Variants in HIVEP3 observed in about 807,000 individuals in gnomAD.
The protein encoded by HIVEP3 is HIVEP zinc finger 3.
Under a neutral mutation model 152.8 loss-of-function variants are expected in HIVEP3, and 49 were observed. That is an observed-to-expected ratio of 0.32 (90% CI 0.26 to 0.41). The LOEUF (loss-of-function observed/expected upper bound fraction) is 0.41. Among genes scored for constraint, HIVEP3 ranks in the 10% least tolerant of loss-of-function variants. HIVEP3 has a pLI of 1.00. For synonymous variants in HIVEP3, 1,269 were observed against 1,289.0 expected (o/e 0.98, Z 0.33); for missense variants, 2,790 against 3,103.3 (o/e 0.90, Z 2.40).
At chr1:41,642,091 C>T (rs1230095800) in intron 2 of HIVEP3, among the ~76,000 whole-genome samples, 1 of 152,206 alleles carries the variant, frequency 6.6e-6, no homozygotes, top group Admixed American at 6.5e-5. Context: ...GGATTTCCTG[C>T]CCCCACCCTG....
At chr1:41,727,289 G>A (rs1285319056) in intron 1 of HIVEP3, among the ~76,000 whole-genome samples, 1 of 152,290 alleles carries the variant, frequency 6.6e-6, no homozygotes, top group East Asian at 1.9e-4. Context: ...GGGGCTGCTT[G>A]GGATCCTAGG....
At chr1:41,742,861 G>A (rs1647016666) in intron 1 of HIVEP3, among the ~76,000 whole-genome samples, 1 of 152,204 alleles carries the variant, frequency 6.6e-6, no homozygotes, top group African/African-American at 2.4e-5. Flanking sequence ...GGGGAGTGAG[G>A]AGTGCAGTCT....
At chr1:41,637,300 C>A (rs527523886) in intron 2 of HIVEP3, among the ~76,000 whole-genome samples, 84 of 152,288 alleles carry the variant, frequency 5.5e-4, no homozygotes, top group African/African-American at 2.0e-3. Flanking sequence ...TAAATACACA[C>A]AATGGAATAG....
intron 5 of HIVEP3, among the ~76,000 whole-genome samples, chr1:41,532,760 C>T (rs1445974030): frequency 1.3e-5 from 2 of 152,110 alleles, no homozygotes; most frequent in African/African-American, 4.8e-5. Flanking sequence ...AGTCTTTAAG[C>T]ATTGAGTATG....
In HIVEP3 at chr1:41,613,348, G is replaced by A. The variant is rs142595700; in HGVS notation, c.-522+15401C>T. ...CTTTGGAACGCGTGGGGCGGGTCTC[G>A]TGACATTTTATATTGTATTCCCTCA... On this transcript the variant is annotated intron_variant, in intron 3 of 8. Transcript: ENST00000372583. Among the ~76,000 whole-genome samples the A allele has an allele frequency of 1.5e-3, 230 of 152,320 alleles. 2 individuals are homozygous for A. Among genetic ancestry groups the A allele is most frequent in the African/African-American group, 5.3e-3 (221 of 41,568 alleles).
rs1221519497 is a variant in HIVEP3 at position 41,888,934 on chromosome 1, T to TACACACACAAAGACCACACATGCCACAC, written c.-801+29451_-801+29478dup. ...TATACCTCACACACCACATGCCACA[T>TACACACACAAAGACCACACATGCCACAC]ACACACACAAAGACCACACATGCCA... On this transcript the variant is annotated intron_variant, in intron 1 of 8. Coordinates refer to ENST00000372583, the MANE Select transcript of HIVEP3 (RefSeq NM_024503.5). Among the ~76,000 whole-genome samples the TACACACACAAAGACCACACATGCCACAC allele has an allele frequency of 2.4e-3, 265 of 110,870 alleles. 3 individuals carry two copies. The highest frequency in any genetic ancestry group is 7.1e-3 in the Middle Eastern group (1 of 140). 72.7% of individuals were successfully genotyped at this position (110,870 alleles called of 152,430 possible). A position where few individuals can be genotyped will look rare whatever the true frequency, so the allele number is the denominator to read the frequency against.
Position 41,582,986 on chromosome 1 carries a change from C to T in HIVEP3, c.1812G>A (p.Glu604=), listed in dbSNP as rs1389018092. ...TGTCTTTGCTGCTTGGGCCAGGCTC[C>T]TCAGAACTGTATTCCCCTCCCAAAG... The part of the protein sequence containing the change: ...ELPLGGEYSS[E]EPGPSSKDTA... Residue 604 remains glutamate, a synonymous_variant, in exon 4 of 9, where the codon GAG becomes GAA. Transcript: ENST00000372583. This position sits in a 1 kb window ranked among gnomAD's most constrained non-coding sequence, Gnocchi z 4.7. 3 of 1,613,960 alleles carry T rather than the reference C, an allele frequency of 1.9e-6. No individual in the cohort carries two copies. The highest frequency in any genetic ancestry group is 1.3e-5 in the African/African-American group (1 of 74,882).
chr1:41,880,345 T>C (rs1644242019), intron 1 of HIVEP3, among the ~76,000 whole-genome samples: 1 of 152,150 alleles, frequency 6.6e-6, no homozygotes, highest in African/African-American at 2.4e-5. Context: ...GCCTGGCCCA[T>C]CCTCTTAATA....
chr1:41,947,315 C>T (rs1054000443), intron 1 of HIVEP3, among the ~76,000 whole-genome samples: 1 of 152,216 alleles, frequency 6.6e-6, no homozygotes, highest in African/African-American at 2.4e-5. Flanking sequence ...CCTGTGGCTA[C>T]AAGGTTTCCA....
chr1:41,764,812 G>A (rs951925710), intron 1 of HIVEP3, among the ~76,000 whole-genome samples: 3 of 152,180 alleles, frequency 2.0e-5, no homozygotes, highest in Non-Finnish European at 4.4e-5. Flanking sequence ...CAATCCGTCA[G>A]CTGAGTGCTC....
chr1:41,917,868 C>G (rs1360575530), intron 1 of HIVEP3, among the ~76,000 whole-genome samples: 2 of 152,198 alleles, frequency 1.3e-5, no homozygotes, highest in Non-Finnish European at 2.9e-5. Flanking sequence ...GCTATCCCCT[C>G]TGTCTCAGCA....
intron 1 of HIVEP3, among the ~76,000 whole-genome samples, chr1:41,926,768 T>C (rs957722521): frequency 6.6e-6 from 1 of 152,208 alleles, no homozygotes; most frequent in African/African-American, 2.4e-5. Context: ...TTTTAAAGTA[T>C]GTTAGCTAAA....
chr1:41,628,490 G>C (rs1645148853), intron 3 of HIVEP3, among the ~76,000 whole-genome samples: 1 of 152,208 alleles, frequency 6.6e-6, no homozygotes, highest in Non-Finnish European at 1.5e-5. Flanking sequence ...TGGAAACTGA[G>C]GTACTGGGAG....
chr1:41,933,732 CTTCTT>C (rs892265960), intron 1 of HIVEP3, among the ~76,000 whole-genome samples: 7 of 150,598 alleles, frequency 4.6e-5, no homozygotes, highest in East Asian at 3.9e-4. Context: ...CTGTTTTTTT[CTTCTT>C]TTCTTTTATT....
intron 2 of HIVEP3, among the ~76,000 whole-genome samples, chr1:41,685,450 T>A (rs1176196553): frequency 6.6e-6 from 1 of 152,196 alleles, no homozygotes; most frequent in Non-Finnish European, 1.5e-5. Flanking sequence ...CACTGTAAGT[T>A]CCTCAAGGGA....
Position 41,530,657 on chromosome 1 carries a change from T to G in HIVEP3, c.5208-5747A>C, listed in dbSNP as rs2149061740. ...GCAATGGTGTCCTTCAGCCTAATGG[T>G]GTCCTTCAGCCTAGCCTTCACCCTG... On this transcript the variant is annotated intron_variant, in intron 5 of 8. Coordinates refer to ENST00000372583, the MANE Select transcript of HIVEP3 (RefSeq NM_024503.5). Among the ~76,000 whole-genome samples the G allele has an allele frequency of 2.0e-5, 3 of 152,280 alleles. No individual in the cohort carries two copies. In the South Asian group the frequency reaches 6.2e-4, roughly 32 times the overall value.
intron 1 of HIVEP3, among the ~76,000 whole-genome samples, chr1:41,975,925 T>C (rs1378057769): frequency 1.3e-5 from 2 of 152,200 alleles, no homozygotes; most frequent in Non-Finnish European, 2.9e-5. Context: ...AGGGCCCTAC[T>C]GTTGGCTCAC....
chr1:41,959,765 C>T (rs1203643419), intron 1 of HIVEP3, among the ~76,000 whole-genome samples: 1 of 152,194 alleles, frequency 6.6e-6, no homozygotes, highest in Non-Finnish European at 1.5e-5. Context: ...GCACTTCCTA[C>T]ATGTAGTACC....
intron 1 of HIVEP3, among the ~76,000 whole-genome samples, chr1:41,779,959 C>T (rs1648943186): frequency 6.6e-6 from 1 of 152,204 alleles, no homozygotes; most frequent in African/African-American, 2.4e-5. Flanking sequence ...ATTTCCCTCA[C>T]TTCCACAAGG....
Sources: gnomAD v4.1 joint callset for allele counts (sites outside exome capture counted in the v4.1 genomes callset) on GRCh38, gnomAD v4.1.1 for gene constraint, Gnocchi (gnomAD v3.1) non-coding constraint, MANE v1.5 for transcripts, NCBI Gene and HGNC (gene_info 2026-07-23, HGNC 2026-07-21) for gene names.